The following BRCA2 variants were observed in gnomAD, a reference collection of about 807,000 sequenced individuals.
BRCA2 encodes the protein BRCA2 DNA repair associated.
Under a neutral mutation model 276.7 loss-of-function variants are expected in BRCA2, and 203 were observed. The observed-to-expected ratio is 0.73, with a 90% CI of 0.65 to 0.82. The LOEUF (loss-of-function observed/expected upper bound fraction) is 0.82, where lower values mean the gene tolerates loss of function less well. Ranked by LOEUF, BRCA2 falls within the 40% of genes least tolerant of loss-of-function variation. The probability of loss-of-function intolerance (pLI) is 0.00; values close to 1 mark genes in which losing one functional copy is unlikely to be tolerated. For missense variants in BRCA2, 3,920 were observed against 3,915.0 expected, an observed-to-expected ratio of 1.00 and a Z score of -0.03; for synonymous variants, 1,289 against 1,338.4, an observed-to-expected ratio of 0.96 and a Z score of 0.81.
rs786201770 is a variant in BRCA2, at chr13:32,319,074, T to G, written c.68-3T>G. ...ACTAAGGTGGGATTTTTTTTTTAAA[T>G]AGATTTAGGACCAATAAGTCTTAAT... On this transcript the variant is annotated splice_polypyrimidine_tract_variant and splice_region_variant and intron_variant, in intron 2 of 26. Coordinates refer to ENST00000380152, the MANE Select transcript of BRCA2 (RefSeq NM_000059.4). The G allele has an allele frequency of 2.0e-5, 32 of 1,611,944 alleles. No homozygotes were observed. The Admixed American group carries it at 5.3e-4, about 27-fold the overall frequency.
intron 10 of BRCA2, 55 bp downstream of exon 10, chr13:32,333,442 T>A: frequency 6.4e-7 from 1 of 1,554,286 alleles, no homozygotes; most frequent in Non-Finnish European, 8.8e-7. Context: ...TAGATGACGA[T>A]TCCTTCTGTG....
chr13:32,346,288 G>T (rs561536281), intron 12 of BRCA2, among the ~76,000 whole-genome samples: 39 of 151,596 alleles, frequency 2.6e-4, no homozygotes, highest in South Asian at 2.1e-3. Flanking sequence ...TTTGCACCTT[G>T]TTTATTGGTT....
intron 13 of BRCA2, among the ~76,000 whole-genome samples, chr13:32,353,404 A>G (rs1164476206): frequency 6.6e-6 from 1 of 152,180 alleles, no homozygotes; most frequent in Non-Finnish European, 1.5e-5. Flanking sequence ...TTTTAAACAT[A>G]AGACAGATTA....
chr13:32,328,797 G>T (rs2072367961), intron 7 of BRCA2, among the ~76,000 whole-genome samples: 1 of 152,048 alleles, frequency 6.6e-6, no homozygotes, highest in Non-Finnish European at 1.5e-5. Flanking sequence ...TTATCCAGAA[G>T]TCCTACACAC....
chr13:32,316,299 C>T (rs1208036809), intron 1 of BRCA2, 123 bp from the exon 2 acceptor site: 3 of 705,464 alleles, frequency 4.3e-6, no homozygotes, highest in South Asian at 3.2e-5. Flanking sequence ...AAGCTGTTAC[C>T]GTTCCAGGAG....
chr13:32,362,716 C>T lies in BRCA2; in HGVS notation c.7976+23C>T, dbSNP rs183623188. On this transcript the variant is annotated intron_variant, in intron 17 of 26. Coordinates refer to ENST00000380152, the MANE Select transcript of BRCA2 (RefSeq NM_000059.4). ...CAGGCAAGTTTAAAGCATTACATTACGTAATCATATACGGCAGTATGGTTA... is the reference window on the plus strand; with the variant it reads ...CAGGCAAGTTTAAAGCATTACATTATGTAATCATATACGGCAGTATGGTTA... 273 of 1,612,542 alleles carry T rather than the reference C, an allele frequency of 1.7e-4. No homozygotes were observed. In the Middle Eastern group the frequency reaches 2.3e-3, roughly 14 times the overall value.
chr13:32,386,878 A>G (rs1262442797), intron 24 of BRCA2, among the ~76,000 whole-genome samples: 1 of 152,212 alleles, frequency 6.6e-6, no homozygotes, highest in Non-Finnish European at 1.5e-5. Context: ...GGCTTAAACA[A>G]CAGAAATTTG....
rs544942885 is a variant in BRCA2, at chr13:32,332,480, T to G, written c.1002T>G (p.His334Gln). The G allele has an allele frequency of 2.5e-6, 4 of 1,596,568 alleles. No individual in the cohort carries two copies. Among genetic ancestry groups the G allele is most frequent in the South Asian group, 1.2e-5 (1 of 86,600 alleles). The change falls in exon 10 of 27, where the codon CAT (histidine) becomes CAG (glutamine). Residue 334 changes from histidine to glutamine, a missense_variant. Coordinates refer to ENST00000380152, the MANE Select transcript of BRCA2 (RefSeq NM_000059.4). Reference sequence around the variant, plus strand: ...GCAAGACTAGGAAAAAAATTTTCCATGAAGCAAACGCTGATGAATGTGAAA... The same window carrying G: ...GCAAGACTAGGAAAAAAATTTTCCAGGAAGCAAACGCTGATGAATGTGAAA... ...RTSKTRKKIF[H>Q]EANADECEKS...
chr13:32,337,870 C>G lies in BRCA2; in HGVS notation c.3515C>G (p.Ser1172Trp), dbSNP rs80358600. 1.3e-5 allele frequency: 21 copies of G among 1,614,020 alleles called. No homozygotes were observed. Among genetic ancestry groups the G allele is most frequent in the Non-Finnish European group, 1.7e-5 (20 of 1,179,976 alleles). The part of the protein sequence containing the change: ...ADLHVIMNAP[S>W]IGQVDSSKQF... ...CTTCATGTCATAATGAATGCCCCAT[C>G]GATTGGTCAGGTAGACAGCAGCAAG... The change falls in exon 11 of 27, where the codon TCG becomes TGG. Residue 1172 changes from serine (S) to tryptophan (W), a missense_variant. Ser to Trp is a radical substitution (Grantham distance 177). Coordinates refer to ENST00000380152, the MANE Select transcript of BRCA2 (RefSeq NM_000059.4).
intron 4 of BRCA2, 98 bp from the exon 5 acceptor site, chr13:32,326,003 C>A: frequency 9.2e-7 from 1 of 1,086,270 alleles, no homozygotes; most frequent in Non-Finnish European, 1.4e-6. Flanking sequence ...AGTATTCCAA[C>A]AATTTATATG....
chr13:32,370,890 G>T (rs950067722), intron 19 of BRCA2, 66 bp from the exon 20 acceptor site: 1 of 1,595,176 alleles, frequency 6.3e-7, no homozygotes, highest in African/African-American at 1.3e-5. Context: ...ACTGTGCCTG[G>T]CCTGATACAA....
chr13:32,355,131 T>A lies in BRCA2; in HGVS notation c.7278T>A (p.Ile2426=), dbSNP rs372377916. ...FHRVEQCVRN[I]NLEENRQKQN... ...GAGTTGAACAGTGTGTTAGGAATAT[T>A]AACTTGGAGGAAAACAGACAAAAGC... The change falls in exon 14 of 27, where the codon ATT becomes ATA. Residue 2426 remains isoleucine (I), a synonymous_variant. Coordinates refer to ENST00000380152, the MANE Select transcript of BRCA2 (RefSeq NM_000059.4). 1.6e-5 allele frequency: 26 copies of A among 1,613,684 alleles called. No individual in the cohort carries two copies. In the African/African-American group the frequency reaches 3.2e-4, roughly 20 times the overall value.
chr13:32,348,288 A>G (rs2072624687), intron 13 of BRCA2, among the ~76,000 whole-genome samples: 1 of 152,024 alleles, frequency 6.6e-6, no homozygotes, highest in Admixed American at 6.6e-5. Context: ...AAATAAATAC[A>G]TAATTTTAAA....
intron 25 of BRCA2, among the ~76,000 whole-genome samples, chr13:32,396,400 A>G (rs1469374760): frequency 6.6e-6 from 1 of 152,226 alleles, no homozygotes; most frequent in East Asian, 1.9e-4. Context: ...AATTGCTGAT[A>G]TTTGACCAGT....
rs764827027 is a variant in BRCA2, at chr13:32,340,080, G to A, written c.5725G>A (p.Asp1909Asn). The A allele has an allele frequency of 6.2e-7, 1 of 1,613,888 alleles. No individual in the cohort carries two copies. ...AGAGGATATTCTTCATAACTCTCTA[G>A]ATAATGATGAATGTAGCACGCATTC... Reference protein sequence around the residue: ...DSEDILHNSLDNDECSTHSHK... With the variant: ...DSEDILHNSLNNDECSTHSHK... The change falls in exon 11 of 27, where the codon GAT becomes AAT. Residue 1909 changes from aspartate to asparagine, a missense_variant. Asp to Asn is a conservative substitution (Grantham distance 23, BLOSUM62 1). Transcript: ENST00000380152.
rs1254321617 is a variant in BRCA2 at position 32,398,767 on chromosome 13, CTA to C, written c.10255_10256del (p.Ter3419SerfsTer18). The part of the protein sequence containing the change: ...QDTITTKKYI[*>X] Reference sequence around the variant, plus strand: ...ACACAATTACAACTAAAAAATATATCTAAGCATTTGCAAAGGCGACAATAAAT... The same window carrying C: ...ACACAATTACAACTAAAAAATATATCAGCATTTGCAAAGGCGACAATAAAT... On this transcript the variant is annotated frameshift_variant and stop_lost, in exon 27 of 27. Coordinates refer to ENST00000380152, the MANE Select transcript of BRCA2 (RefSeq NM_000059.4). LOFTEE classifies it high-confidence loss of function. The C allele has an allele frequency of 6.2e-7, 1 of 1,613,492 alleles. No homozygotes were observed. The highest frequency in any genetic ancestry group is 8.5e-7 in the Non-Finnish European group (1 of 1,179,894).
chr13:32,389,651 T>G (rs543244000), intron 24 of BRCA2, among the ~76,000 whole-genome samples: 1 of 152,354 alleles, frequency 6.6e-6, no homozygotes, highest in East Asian at 1.9e-4. Flanking sequence ...TCATTCCAAT[T>G]GATGTGTCCC....
chr13:32,370,255 T>A, intron 18 of BRCA2, 147 bp from the exon 19 acceptor site: 1 of 715,204 alleles, frequency 1.4e-6, no homozygotes, highest in Non-Finnish European at 2.3e-6. Flanking sequence ...AGTTTTTTAC[T>A]TATTTACTGT....
intron 24 of BRCA2, among the ~76,000 whole-genome samples, chr13:32,394,002 C>T (rs1464346264): frequency 2.6e-5 from 4 of 152,150 alleles, no homozygotes; most frequent in Non-Finnish European, 5.9e-5. Flanking sequence ...TGAACAGATA[C>T]ATGTGTATTT....
Sources: gnomAD v4.1 joint callset for allele counts (sites outside exome capture counted in the v4.1 genomes callset) on GRCh38, gnomAD v4.1.1 for gene constraint, MANE v1.5 for transcripts, NCBI Gene and HGNC (gene_info 2026-07-23, HGNC 2026-07-21) for gene names.